Variants in CCL26 observed in about 807,000 individuals in gnomAD.
CCL26 encodes C-C motif chemokine 26.
Under a neutral mutation model 10.7 loss-of-function variants are expected in CCL26, and 10 were observed. The observed-to-expected ratio is 0.93, with a 90% CI of 0.57 to 1.58. The LOEUF is 1.58. CCL26 is among the 40% of genes most tolerant of loss of function. CCL26 has a pLI of 0.00. For synonymous variants in CCL26, 43 were observed against 41.4 expected, an observed-to-expected ratio of 1.04 and a Z score of -0.15; for missense variants, 116 against 111.0, an observed-to-expected ratio of 1.05 and a Z score of -0.20.
At chr7:75,789,096 A>ATTTTTTTTTTT (rs527793902) in intron 1 of CCL26, among the ~76,000 whole-genome samples, 1 of 110,892 alleles carries the variant, frequency 9.0e-6, no homozygotes, top group African/African-American at 3.5e-5. Flanking sequence ...TCATTTTTTG[A>ATTTTTTTTTTT]TTTTTTTTTT....
chr7:75,790,202 T>TCTTC (rs1803300633), upstream of CCL26, among the ~76,000 whole-genome samples: 1 of 108,774 alleles, frequency 9.2e-6, no homozygotes, highest in African/African-American at 3.6e-5. Flanking sequence ...TTTCTTTCTT[T>TCTTC]CTTTCTTTCT....
At chr7:75,770,328 C>T (rs868970587) in intron 2 of CCL26, among the ~76,000 whole-genome samples, 1 of 152,100 alleles carries the variant, frequency 6.6e-6, no homozygotes, top group African/African-American at 2.4e-5. Context: ...TGTTGGCCTC[C>T]CAAAGTGCTG....
intron 1 of CCL26, among the ~76,000 whole-genome samples, chr7:75,786,466 C>G (rs999948594): frequency 6.6e-6 from 1 of 152,312 alleles, no homozygotes; most frequent in East Asian, 1.9e-4. Flanking sequence ...AATATTTATA[C>G]TGACCCCATA....
chr7:75,788,069 C>A (rs182724942), intron 1 of CCL26, among the ~76,000 whole-genome samples: 3 of 152,128 alleles, frequency 2.0e-5, no homozygotes, highest in Non-Finnish European at 2.9e-5. Context: ...AAATATCGCC[C>A]ATTATCTCTC....
intron 1 of CCL26, among the ~76,000 whole-genome samples, chr7:75,778,659 C>T (rs193188119): frequency 1.5e-4 from 22 of 144,552 alleles, no homozygotes; most frequent in African/African-American, 5.6e-4. Flanking sequence ...CAGAGTCTTG[C>T]TCTGTTGCCC....
upstream of CCL26, among the ~76,000 whole-genome samples, chr7:75,776,784 AAGAC>A (rs1327599037): frequency 4.6e-5 from 7 of 152,302 alleles, no homozygotes; most frequent in Admixed American, 2.0e-4. Context: ...ACAATGGAAA[AAGAC>A]AGAAAACATC....
At chr7:75,771,806 AG>A in intron 2 of CCL26, 82 bp downstream of exon 2, 1 of 858,312 alleles carries the variant, frequency 1.2e-6, no homozygotes, top group South Asian at 1.4e-5. Context: ...TCCCATCCCA[AG>A]GCTCATCCTG....
intron 1 of CCL26, among the ~76,000 whole-genome samples, chr7:75,782,130 A>G (rs571247931): frequency 6.6e-6 from 1 of 151,032 alleles, no homozygotes; most frequent in African/African-American, 2.4e-5. Context: ...CTATCCCTCA[A>G]CCTCTTTTTC....
At chr7:75,776,603 AGAAAGAAAGAAGAAG>A (rs1343174387), upstream of CCL26, among the ~76,000 whole-genome samples, 47 of 151,922 alleles carry the variant, frequency 3.1e-4, no homozygotes, top group Admixed American at 5.9e-4. Flanking sequence ...CAAGCAAGAA[AGAAAGAAAGAAGAAG>A]GAAAGAAAAA....
upstream of CCL26, among the ~76,000 whole-genome samples, chr7:75,773,575 AT>A (rs1488221210): frequency 6.6e-6 from 1 of 151,658 alleles, no homozygotes; most frequent in Non-Finnish European, 1.5e-5. Context: ...TATTATTATT[AT>A]TTTGTGTGTG....
chr7:75,778,538 A>G (rs1802989995), intron 1 of CCL26, among the ~76,000 whole-genome samples: 1 of 133,198 alleles, frequency 7.5e-6, no homozygotes, highest in Admixed American at 8.1e-5. Context: ...GCATTTCTCT[A>G]ATGATTAGTG....
At chr7:75,790,187 C>CTTTCTT (rs1803298768), upstream of CCL26, among the ~76,000 whole-genome samples, 4 of 80,036 alleles carry the variant, frequency 5.0e-5, no homozygotes, top group African/African-American at 1.9e-4. Flanking sequence ...TCCTTTCTTT[C>CTTTCTT]TTTCTTTCTT....
chr7:75,777,760 AG>A, intron 1 of CCL26, among the ~76,000 whole-genome samples: 1 of 149,568 alleles, frequency 6.7e-6, no homozygotes, highest in Non-Finnish European at 1.5e-5. Context: ...CAGCTAGATA[AG>A]AAAGAATAAT....
intron 1 of CCL26, among the ~76,000 whole-genome samples, chr7:75,788,961 C>A (rs369524294): frequency 5.3e-5 from 8 of 152,014 alleles, no homozygotes; most frequent in Non-Finnish European, 1.2e-4. Flanking sequence ...CACTCTGTCA[C>A]CCAGGCTGGA....
chr7:75,771,766 T>G, intron 2 of CCL26, 123 bp downstream of exon 2: 1 of 681,068 alleles, frequency 1.5e-6, no homozygotes, highest in Non-Finnish European at 2.7e-6. Context: ...GAGTCACACT[T>G]GTTAGTGTGC....
Position 75,769,751 on chromosome 7 carries a change from G to C in CCL26, c.227C>G (p.Pro76Arg). 6.2e-7 allele frequency: 1 copy of C among 1,611,990 alleles called. No individual in the cohort carries two copies. Among genetic ancestry groups the C allele is most frequent in the South Asian group, 1.1e-5 (1 of 91,040 alleles). The change falls in exon 3 of 3, where the codon CCA becomes CGA. Residue 76 changes from proline to arginine, a missense_variant. Pro to Arg is a moderately radical substitution (Grantham distance 103). Coordinates refer to ENST00000005180, the MANE Select transcript of CCL26 (RefSeq NM_001371938.1). ...TKRGKKVCTH[P>R]RKKWVQKYIS... ...GTATTTTTGCACCCATTTTTTCCTT[G>C]GATGGGTACAGACTTTCTTGCCTCT...
Position 75,769,555 on chromosome 7 carries a change from T to C in CCL26, c.*138A>G. ...AAGTCAACTCTATGAACAACCTTTA[T>C]TAAAGTAACTCTGGGAGGAAACACC... On this transcript the variant is annotated 3_prime_UTR_variant, in exon 3 of 3. Transcript: ENST00000005180. 1.7e-6 allele frequency: 1 copy of C among 573,574 alleles called. No homozygotes were observed. The highest frequency in any genetic ancestry group is 3.2e-6 in the Non-Finnish European group (1 of 313,420). The allele number at this position is 573,574 out of a possible 1,614,324, so 35.5% of individuals were successfully genotyped here. A position where few individuals can be genotyped will look rare whatever the true frequency, so the allele number is the denominator to read the frequency against.
intron 1 of CCL26, among the ~76,000 whole-genome samples, chr7:75,780,632 T>C (rs1200388511): frequency 1.3e-5 from 2 of 152,142 alleles, no homozygotes; most frequent in Admixed American, 1.3e-4. Flanking sequence ...GGCATTCTTT[T>C]ACACATCAGT....
intron 1 of CCL26, among the ~76,000 whole-genome samples, chr7:75,780,020 G>A (rs1165814844): frequency 6.8e-6 from 1 of 147,140 alleles, no homozygotes; most frequent in Non-Finnish European, 1.5e-5. Context: ...TTCCTGGGGG[G>A]CAAGCACCCC....
Sources: allele counts gnomAD v4.1 joint callset (sites outside exome capture counted in the v4.1 genomes callset), GRCh38; gene constraint gnomAD v4.1.1; transcripts MANE v1.5; gene names NCBI Gene and HGNC (gene_info 2026-07-23, HGNC 2026-07-21).